Variants in ATP11A observed in about 807,000 individuals in gnomAD.
ATP11A encodes ATPase phospholipid transporting 11A.
A neutral mutation model predicts 154.4 loss-of-function variants in ATP11A; 81 were observed. The ratio of observed to expected loss-of-function variants is 0.52; its 90% CI spans 0.44 to 0.63. ATP11A has a LOEUF of 0.63. ATP11A is among the 30% of genes least tolerant of loss of function. The probability of loss-of-function intolerance (pLI) is 0.00; values close to 1 mark genes in which losing one functional copy is unlikely to be tolerated. For missense variants in ATP11A, 1,316 were observed against 1,474.3 expected (o/e 0.89, Z 1.76); for synonymous variants, 623 against 585.9 (o/e 1.06, Z -0.91).
At chr13:112,752,572 C>T (rs1056737411) in intron 1 of ATP11A, among the ~76,000 whole-genome samples, 11 of 152,194 alleles carry the variant, frequency 7.2e-5, no homozygotes, top group Admixed American at 2.0e-4. Context: ...ACTGAATACG[C>T]GTCCGTCTGA....
At chr13:112,813,661 TTGGTTTTGAAAGGAACTGCCAAA>T (rs1323580221) in intron 5 of ATP11A, among the ~76,000 whole-genome samples, 1 of 152,206 alleles carries the variant, frequency 6.6e-6, no homozygotes, top group East Asian at 1.9e-4. Context: ...ATATCCACGT[TTGGTTTTGAAAGGAACTGCCAAA>T]TGGTTTTCCA....
chr13:112,831,161 G>A (rs751713984), intron 12 of ATP11A, among the ~76,000 whole-genome samples: 1 of 152,180 alleles, frequency 6.6e-6, no homozygotes, highest in African/African-American at 2.4e-5. Context: ...GCACCTGCCA[G>A]GACTGCAGGG....
chr13:112,881,003 G>A (rs1295316759), intron 29 of ATP11A: 4 of 990,434 alleles, frequency 4.0e-6, no homozygotes, highest in East Asian at 1.1e-4. Flanking sequence ...GAAATCAAAC[G>A]TGGTTATTGC....
intron 1 of ATP11A, among the ~76,000 whole-genome samples, chr13:112,749,611 T>C (rs562745190): frequency 1.3e-5 from 2 of 152,376 alleles, no homozygotes; most frequent in South Asian, 4.1e-4. Flanking sequence ...GCTGGGAACG[T>C]TGATTCCTAG....
At chr13:112,744,369 T>C (rs548383540) in intron 1 of ATP11A, among the ~76,000 whole-genome samples, 4 of 150,498 alleles carry the variant, frequency 2.7e-5, no homozygotes, top group Non-Finnish European at 5.9e-5. Flanking sequence ...CGGCTTCGGA[T>C]GGTCTGGGAG....
In ATP11A at chr13:112,819,468, T is replaced by G. The variant is rs559172095; in HGVS notation, c.674+61T>G. On this transcript the variant is annotated intron_variant, in intron 7 of 29. Coordinates refer to ENST00000375645, the MANE Select transcript of ATP11A (RefSeq NM_015205.3). The stretch of plus-strand genomic sequence containing the variant: ...TTTATGCCCTCAACATTGCTCTTGC[T>G]TTTTCACCCCAAGTAGTCCAGCCAT... 25 of 1,438,620 alleles carry G rather than the reference T, an allele frequency of 1.7e-5. No homozygotes were observed. In the South Asian group the frequency reaches 2.5e-4, roughly 15 times the overall value. 89.1% of individuals were successfully genotyped at this position (1,438,620 alleles called of 1,614,324 possible). A position where few individuals can be genotyped will look rare whatever the true frequency, so the allele number is the denominator to read the frequency against.
chr13:112,800,668 A>C (rs1157127269), intron 2 of ATP11A, among the ~76,000 whole-genome samples: 1 of 152,192 alleles, frequency 6.6e-6, no homozygotes, highest in Non-Finnish European at 1.5e-5. Context: ...ATTACCCTAA[A>C]ACCAAAACCA....
chr13:112,825,327 C>A (rs919097479), intron 10 of ATP11A, 103 bp from the exon 11 acceptor site: 2 of 1,330,318 alleles, frequency 1.5e-6, no homozygotes, highest in African/African-American at 2.9e-5. Flanking sequence ...CTGTGCCCTT[C>A]CTATTCTGTT....
At chr13:112,864,959 G>A (rs2080271429) in intron 25 of ATP11A, among the ~76,000 whole-genome samples, 1 of 136,908 alleles carries the variant, frequency 7.3e-6, no homozygotes, top group South Asian at 2.5e-4. Flanking sequence ...CTTCTCAGCA[G>A]GGTCCATCAC....
chr13:112,785,271 G>A lies in ATP11A; in HGVS notation c.162+14G>A. The A allele has an allele frequency of 6.7e-7, 1 of 1,492,338 alleles. No homozygotes were observed. The highest frequency in any genetic ancestry group is 8.9e-7 in the Non-Finnish European group (1 of 1,119,226). The allele number at this position is 1,492,338 out of a possible 1,614,324, so 92.4% of individuals were successfully genotyped here. On this transcript the variant is annotated intron_variant, in intron 2 of 29. Coordinates refer to ENST00000375645, the MANE Select transcript of ATP11A (RefSeq NM_015205.3). This position sits in a 1 kb window ranked among gnomAD's most constrained non-coding sequence, Gnocchi z 4.8. ...GTCTCGTCCAAGGTAACTTGGCTTG[G>A]GTCTGAGTGTCCATAATGTGTCTAA...
intron 1 of ATP11A, among the ~76,000 whole-genome samples, chr13:112,765,980 G>T (rs979434939): frequency 6.6e-6 from 1 of 152,248 alleles, no homozygotes; most frequent in East Asian, 1.9e-4. Flanking sequence ...CTGACCATGG[G>T]CAGTTTTAGT....
rs1463026385 is a variant in ATP11A at position 112,806,248 on chromosome 13, C to T, written c.288C>T (p.Ser96=). ...ATACACCCACAAGTCCAGTGACAAG[C>T]GGACTTCCACTCTTCTTTGTCATTA... ...IIDTPTSPVT[S]GLPLFFVITV... Residue 96 remains serine (S), a synonymous_variant, in exon 4 of 30, where the codon AGC becomes AGT. Coordinates refer to ENST00000375645, the MANE Select transcript of ATP11A (RefSeq NM_015205.3). 8.1e-6 allele frequency: 13 copies of T among 1,613,350 alleles called. No individual in the cohort carries two copies. In the Admixed American group the frequency reaches 1.0e-4, roughly 12 times the overall value.
At chr13:112,759,798 T>C (rs568227396) in intron 1 of ATP11A, among the ~76,000 whole-genome samples, 3 of 152,368 alleles carry the variant, frequency 2.0e-5, no homozygotes, top group East Asian at 1.9e-4. Context: ...CAAATTCTTC[T>C]GTTTATAAAA....
chr13:112,808,216 T>C (rs1458617319), intron 4 of ATP11A, among the ~76,000 whole-genome samples: 1 of 151,938 alleles, frequency 6.6e-6, no homozygotes, highest in African/African-American at 2.4e-5. Context: ...TCCCCTCCCA[T>C]CGGCCTGGCT....
rs749214609 is a variant in ATP11A at position 112,833,041 on chromosome 13, G to A, written c.1559+18G>A. On this transcript the variant is annotated intron_variant, in intron 14 of 29. Transcript: ENST00000375645. Reference sequence around the variant, plus strand: ...GTCCAGAGGTACGTCGCGGGCCAAGGGTCTGCCTGGGTTTCCTGATGTGAC... The same window carrying A: ...GTCCAGAGGTACGTCGCGGGCCAAGAGTCTGCCTGGGTTTCCTGATGTGAC... 1.8e-5 allele frequency: 29 copies of A among 1,600,718 alleles called. No individual in the cohort carries two copies. Among genetic ancestry groups the A allele is most frequent in the Non-Finnish European group, 2.3e-5 (27 of 1,172,200 alleles).
intron 12 of ATP11A, among the ~76,000 whole-genome samples, chr13:112,829,119 G>T (rs990988417): frequency 6.6e-6 from 1 of 152,246 alleles, no homozygotes; most frequent in African/African-American, 2.4e-5. Flanking sequence ...CTGCGATGCA[G>T]TGCTGCCTCC....
At position 112,727,950 on chromosome 13, in the gene ATP11A, G is replaced by A. The variant is rs563974482; in HGVS notation, c.39+37495G>A. ...CAGAACTCAGAGTGAATGAGAGATC[G>A]ATACATGTAGGGTTCCAGCAAGGGC... On this transcript the variant is annotated intron_variant, in intron 1 of 29. Transcript: ENST00000375645. 2.7e-4 allele frequency among the ~76,000 whole-genome samples: 41 copies of A among 152,332 alleles called. No homozygotes were observed. In the South Asian group the frequency reaches 7.9e-3, roughly 29 times the overall value.
chr13:112,749,320 C>T (rs574831248), intron 1 of ATP11A, among the ~76,000 whole-genome samples: 110 of 152,312 alleles, frequency 7.2e-4, no homozygotes, highest in African/African-American at 2.5e-3. Context: ...ACTTCTGCCA[C>T]GCTTAAAAGA....
rs147913980 is a variant in ATP11A, at chr13:112,862,596, C to G, written c.2991+21C>G. The G allele has an allele frequency of 8.1e-6, 13 of 1,613,636 alleles. No homozygotes were observed. The African/African-American group carries it at 1.6e-4, about 20-fold the overall frequency. ...GGCAGGTCAGTACAGAGCTCGATTG[C>G]GCTGACTTAGCTGCTTAGGAATAAA... On this transcript the variant is annotated intron_variant, in intron 25 of 29. Coordinates refer to ENST00000375645, the MANE Select transcript of ATP11A (RefSeq NM_015205.3).
Sources: allele counts gnomAD v4.1 joint callset (sites outside exome capture counted in the v4.1 genomes callset), GRCh38; gene constraint gnomAD v4.1.1; non-coding constraint Gnocchi (gnomAD v3.1); transcripts MANE v1.5; gene names NCBI Gene and HGNC (gene_info 2026-07-23, HGNC 2026-07-21).